BCAS3: variants seen among roughly 807,000 people sequenced by gnomAD.
BCAS3 encodes BCAS4/BCAS3 fusion.
Under a neutral mutation model 116.1 loss-of-function variants are expected in BCAS3, and 53 were observed. The ratio of observed to expected loss-of-function variants is 0.46; its 90% CI spans 0.37 to 0.57. BCAS3 has a LOEUF of 0.57. Ranked by LOEUF, BCAS3 falls within the 20% of genes least tolerant of loss-of-function variation. The probability of loss-of-function intolerance (pLI) is 0.00; values close to 1 mark genes in which losing one functional copy is unlikely to be tolerated. For synonymous variants in BCAS3, 391 were observed against 408.2 expected (o/e 0.96, Z 0.51); for missense variants, 917 against 1,165.4 (o/e 0.79, Z 3.10).
intron 22 of BCAS3, among the ~76,000 whole-genome samples, chr17:61,301,234 T>C (rs2053400376): frequency 6.6e-6 from 1 of 152,216 alleles, no homozygotes; most frequent in Middle Eastern, 3.2e-3. Context: ...ATAGCTGGCC[T>C]CATGTCATAT....
chr17:61,079,548 A>C (rs964342599), intron 21 of BCAS3, among the ~76,000 whole-genome samples: 1 of 151,204 alleles, frequency 6.6e-6, no homozygotes, highest in Non-Finnish European at 1.5e-5. Context: ...TCACTCCCTA[A>C]TCCTGCTCTC....
intron 7 of BCAS3, among the ~76,000 whole-genome samples, chr17:60,832,428 G>C (rs186179709): frequency 1.3e-5 from 2 of 152,104 alleles, no homozygotes; most frequent in East Asian, 3.9e-4. Flanking sequence ...TATTGTGACA[G>C]GATTTAAAAA....
At chr17:60,905,792 G>A (rs960143080) in intron 11 of BCAS3, among the ~76,000 whole-genome samples, 9 of 152,186 alleles carry the variant, frequency 5.9e-5, no homozygotes, top group African/African-American at 1.7e-4. Context: ...GGATTGGGGC[G>A]AGATGTGATT....
chr17:60,807,245 AT>A (rs1284997268), intron 6 of BCAS3, among the ~76,000 whole-genome samples: 2 of 151,974 alleles, frequency 1.3e-5, no homozygotes, highest in Non-Finnish European at 2.9e-5. Flanking sequence ...ATGAGAGTTT[AT>A]TTTTTTCATA....
rs1373847141 is a variant in BCAS3, at chr17:61,098,997, AC to A, written c.2425+14435del. On this transcript the variant is annotated intron_variant, in intron 22 of 23. Coordinates refer to ENST00000407086, the MANE Select transcript of BCAS3 (RefSeq NM_017679.5). The surrounding 1 kb of genome is among the most constrained non-coding windows in gnomAD (Gnocchi z 4.2). ...AAATTAGCCGGGCATGGTGGCGCAC[AC>A]CTGTAGTCCCAGCTACTCAGGAGGC... is the stretch of plus-strand genomic sequence containing the variant. Among the ~76,000 whole-genome samples the A allele has an allele frequency of 6.6e-6, 1 of 152,038 alleles. No homozygotes were observed. The highest frequency in any genetic ancestry group is 2.4e-5 in the African/African-American group (1 of 41,396).
intron 22 of BCAS3, among the ~76,000 whole-genome samples, chr17:61,308,472 C>T (rs991804923): frequency 2.0e-5 from 3 of 147,200 alleles, no homozygotes; most frequent in East Asian, 2.0e-4. Context: ...GGAGGAATTT[C>T]TCTAAACACA....
Position 61,233,058 on chromosome 17 carries a change from G to A in BCAS3, c.2426-135269G>A, listed in dbSNP as rs1460082513. The stretch of plus-strand genomic sequence containing the variant: ...TTGCAGTGATCTGTAGCTAGACTGC[G>A]CTCTCTTGGGACTAACCTGTGTGAC... On this transcript the variant is annotated intron_variant, in intron 22 of 23. Transcript: ENST00000407086. The surrounding 1 kb of genome is among the most constrained non-coding windows in gnomAD (Gnocchi z 4.3). 1.3e-5 allele frequency among the ~76,000 whole-genome samples: 2 copies of A among 152,204 alleles called. No homozygotes were observed. Among genetic ancestry groups the A allele is most frequent in the Non-Finnish European group, 2.9e-5 (2 of 68,036 alleles).
chr17:60,880,357 C>T (rs867698624), intron 9 of BCAS3, among the ~76,000 whole-genome samples: 33 of 151,912 alleles, frequency 2.2e-4, no homozygotes, highest in South Asian at 1.2e-3. Flanking sequence ...GGCACAGTCT[C>T]GGCTCACTGC....
chr17:60,962,366 C>T lies in BCAS3; in HGVS notation c.1221+15014C>T, dbSNP rs2145311619. ...TCTTTTATTGATTGTCCTTTTGATACAAGCCATTTTTACTAGGGTGAGATG... is the reference window on the plus strand; with the variant it reads ...TCTTTTATTGATTGTCCTTTTGATATAAGCCATTTTTACTAGGGTGAGATG... On this transcript the variant is annotated intron_variant, in intron 14 of 23. Coordinates refer to ENST00000407086, the MANE Select transcript of BCAS3 (RefSeq NM_017679.5). The surrounding 1 kb of genome is among the most constrained non-coding windows in gnomAD (Gnocchi z 4.4). 6.6e-6 allele frequency among the ~76,000 whole-genome samples: 1 copy of T among 152,220 alleles called. No homozygotes were observed. Among genetic ancestry groups the T allele is most frequent in the East Asian group, 1.9e-4 (1 of 5,180 alleles).
rs1219852002 is a variant in BCAS3, at chr17:61,023,855, A to G, written c.1637+7954A>G. On this transcript the variant is annotated intron_variant, in intron 16 of 23. Coordinates refer to ENST00000407086, the MANE Select transcript of BCAS3 (RefSeq NM_017679.5). This position sits in a 1 kb window ranked among gnomAD's most constrained non-coding sequence, Gnocchi z 4.8. ...AAAATCAGAATTCAGGTCAAAAAGG[A>G]TATAATTATGACAAATTGAGTAGGT... 1.3e-5 allele frequency among the ~76,000 whole-genome samples: 2 copies of G among 152,180 alleles called. No homozygotes were observed. Among genetic ancestry groups the G allele is most frequent in the Non-Finnish European group, 2.9e-5 (2 of 68,022 alleles).
intron 22 of BCAS3, among the ~76,000 whole-genome samples, chr17:61,350,794 G>A (rs1343159592): frequency 1.3e-5 from 2 of 151,972 alleles, no homozygotes; most frequent in Non-Finnish European, 2.9e-5. Flanking sequence ...CACCACACCT[G>A]GCTACTTTTT....
intron 22 of BCAS3, among the ~76,000 whole-genome samples, chr17:61,264,007 A>C (rs575075725): frequency 5.7e-4 from 87 of 152,312 alleles, no homozygotes; most frequent in African/African-American, 2.0e-3. Flanking sequence ...ACATAATCCT[A>C]TCAGCGGGTA....
In BCAS3 at chr17:61,333,478, A is replaced by G. The variant is rs923184694; in HGVS notation, c.2426-34849A>G. On this transcript the variant is annotated intron_variant, in intron 22 of 23. Coordinates refer to ENST00000407086, the MANE Select transcript of BCAS3 (RefSeq NM_017679.5). The surrounding 1 kb of genome is among the most constrained non-coding windows in gnomAD (Gnocchi z 4.8). ...ATAGCTCACCCTCCTGTCCACTCACATTGTGGCGCCCCCGACCCTTGCCAA... is the reference window on the plus strand; with the variant it reads ...ATAGCTCACCCTCCTGTCCACTCACGTTGTGGCGCCCCCGACCCTTGCCAA... 3.3e-5 allele frequency among the ~76,000 whole-genome samples: 5 copies of G among 151,910 alleles called. No homozygotes were observed. Among genetic ancestry groups the G allele is most frequent in the Non-Finnish European group, 4.4e-5 (3 of 67,984 alleles).
intron 22 of BCAS3, among the ~76,000 whole-genome samples, chr17:61,335,709 C>A (rs916985600): frequency 6.6e-6 from 1 of 152,178 alleles, no homozygotes; most frequent in Non-Finnish European, 1.5e-5. Context: ...AAAGCAAGAC[C>A]CCATCTCTAG....
At chr17:60,706,125 T>C (rs753030328) in intron 4 of BCAS3, among the ~76,000 whole-genome samples, 3 of 151,662 alleles carry the variant, frequency 2.0e-5, no homozygotes, top group Non-Finnish European at 4.4e-5. Flanking sequence ...TGCAGTGGTG[T>C]GATCTCGGCT....
At chr17:61,311,253 A>T (rs2054281931) in intron 22 of BCAS3, among the ~76,000 whole-genome samples, 1 of 152,246 alleles carries the variant, frequency 6.6e-6, no homozygotes, top group Non-Finnish European at 1.5e-5. Flanking sequence ...CTATACAGAG[A>T]GTCCAGCTTA....
In BCAS3 at chr17:60,704,928, A is replaced by T. The variant is rs192456907; in HGVS notation, c.215-4291A>T. Among the ~76,000 whole-genome samples the T allele has an allele frequency of 1.3e-3, 203 of 152,106 alleles. 1 individual carries two copies. Among genetic ancestry groups the T allele is most frequent in the Non-Finnish European group, 5.1e-4 (35 of 68,010 alleles). On this transcript the variant is annotated intron_variant, in intron 4 of 23. Transcript: ENST00000407086. ...AACCCCAAAAGTATGGAAGTGGTCTACTTGCCCCCAGACACGGTGTCTCTA... is the reference window on the plus strand; with the variant it reads ...AACCCCAAAAGTATGGAAGTGGTCTTCTTGCCCCCAGACACGGTGTCTCTA...
rs563507715 is a variant in BCAS3, at chr17:61,144,950, T to C, written c.2425+60386T>C. ...GCTCACCACCATAAGGTTTAAAACA[T>C]AAAAATATAAAAGTGCTTAAAATTT... On this transcript the variant is annotated intron_variant, in intron 22 of 23. Transcript: ENST00000407086. This position sits in a 1 kb window ranked among gnomAD's most constrained non-coding sequence, Gnocchi z 5.0. Among the ~76,000 whole-genome samples, 2 of 152,302 alleles carry C rather than the reference T, an allele frequency of 1.3e-5. No individual in the cohort carries two copies. Among genetic ancestry groups the C allele is most frequent in the Admixed American group, 6.5e-5 (1 of 15,296 alleles).
At position 60,910,690 on chromosome 17, in the gene BCAS3, TGG is replaced by T; in HGVS notation, c.982_983del (p.Gly328ArgfsTer8). On this transcript the variant is annotated frameshift_variant, in exon 12 of 24. Transcript: ENST00000407086. LOFTEE classifies it high-confidence loss of function. ...TCACAGTTATTGACACCGAAACCGT[TGG>T]AGAGGGCCAGGTAAGAAGAACTTTT... ...IITVIDTETV[G>X]EGQVLVSEDS... The T allele has an allele frequency of 6.2e-7, 1 of 1,606,362 alleles. No individual in the cohort carries two copies.
Sources: allele counts gnomAD v4.1 joint callset (sites outside exome capture counted in the v4.1 genomes callset), GRCh38; gene constraint gnomAD v4.1.1; non-coding constraint Gnocchi (gnomAD v3.1); transcripts MANE v1.5; gene names NCBI Gene and HGNC (gene_info 2026-07-23, HGNC 2026-07-21).